KLF12: variants seen among roughly 807,000 people sequenced by gnomAD.
KLF12 encodes the protein KLF transcription factor 12, also known as Krueppel-like factor 12.
Under a neutral mutation model 37.8 loss-of-function variants are expected in KLF12, and 9 were observed. The observed-to-expected ratio is 0.24, with a 90% CI of 0.14 to 0.42. KLF12 has a LOEUF of 0.42. KLF12 is among the 10% of genes least tolerant of loss of function. KLF12 has a pLI of 1.00. For missense variants in KLF12, 411 were observed against 516.0 expected (o/e 0.80, Z 1.97); for synonymous variants, 208 against 202.1 (o/e 1.03, Z -0.25).
chr13:74,214,881 G>GC, the KLF12 span, among the ~76,000 whole-genome samples: 7 of 151,822 alleles, frequency 4.6e-5, no homozygotes, highest in African/African-American at 1.7e-4. Context: ...TGCAACCTCT[G>GC]CCCCCCGGGT....
At chr13:73,702,823 C>T (rs920494900) in intron 7 of KLF12, among the ~76,000 whole-genome samples, 5 of 152,148 alleles carry the variant, frequency 3.3e-5, no homozygotes, top group Admixed American at 2.6e-4. Flanking sequence ...CTTCTGGTTT[C>T]TGTTACATTA....
the KLF12 span, among the ~76,000 whole-genome samples, chr13:74,209,486 T>A: frequency 2.7e-5 from 4 of 150,722 alleles, 1 homozygote; most frequent in East Asian, 7.9e-4. Flanking sequence ...GAAAATAAAA[T>A]TTTTGTATAA....
intron 7 of KLF12, among the ~76,000 whole-genome samples, chr13:73,708,813 A>T (rs1328411631): frequency 1.3e-5 from 2 of 152,200 alleles, no homozygotes; most frequent in Admixed American, 1.3e-4. Context: ...TATTTAAATG[A>T]CCATATTAAT....
At chr13:73,826,987 C>T (rs1883882334) in intron 4 of KLF12, among the ~76,000 whole-genome samples, 1 of 152,102 alleles carries the variant, frequency 6.6e-6, no homozygotes, top group Admixed American at 6.6e-5. Flanking sequence ...CACCACATTG[C>T]CCAGACTGAT....
At chr13:74,213,879 A>G in the KLF12 span, among the ~76,000 whole-genome samples, 5 of 152,016 alleles carry the variant, frequency 3.3e-5, no homozygotes, top group African/African-American at 1.2e-4. Context: ...TTAACTGTCA[A>G]TTTTAATTAC....
chr13:74,275,830 CTTT>C, the KLF12 span, among the ~76,000 whole-genome samples: 360 of 108,244 alleles, frequency 3.3e-3, 6 homozygotes, highest in Admixed American at 5.1e-3. Flanking sequence ...TTCTTTCTTT[CTTT>C]CTTTCTTTCT....
chr13:74,305,788 A>G, the KLF12 span, among the ~76,000 whole-genome samples: 1 of 152,064 alleles, frequency 6.6e-6, no homozygotes, highest in Non-Finnish European at 1.5e-5. Flanking sequence ...CTGGGGAGTA[A>G]AAGCCTTCAC....
chr13:74,219,522 G>C, the KLF12 span, among the ~76,000 whole-genome samples: 1 of 152,032 alleles, frequency 6.6e-6, no homozygotes, highest in Non-Finnish European at 1.5e-5. Flanking sequence ...TTTTATGCTT[G>C]TCCTATTTGA....
intron 1 of KLF12, among the ~76,000 whole-genome samples, chr13:74,058,415 G>A (rs1178840332): frequency 4.8e-5 from 7 of 146,948 alleles, no homozygotes; most frequent in Admixed American, 4.1e-4. Flanking sequence ...GGAGTGCAGC[G>A]GCATCATCTC....
At chr13:73,774,805 T>C (rs370097468) in intron 5 of KLF12, among the ~76,000 whole-genome samples, 120 of 152,274 alleles carry the variant, frequency 7.9e-4, no homozygotes, top group African/African-American at 2.8e-3. Context: ...TATTTTGTGA[T>C]AGGGTTTTTC....
chr13:73,753,474 T>C (rs1193233662), intron 6 of KLF12, among the ~76,000 whole-genome samples: 1 of 152,172 alleles, frequency 6.6e-6, no homozygotes, highest in Non-Finnish European at 1.5e-5. Flanking sequence ...CACTTATCAC[T>C]ACCAGATGCT....
intron 2 of KLF12, among the ~76,000 whole-genome samples, chr13:73,953,757 G>A (rs1439684275): frequency 6.6e-6 from 1 of 152,034 alleles, no homozygotes; most frequent in Non-Finnish European, 1.5e-5. Context: ...TGAGTGTTTA[G>A]CTCCTGCATA....
intron 1 of KLF12, among the ~76,000 whole-genome samples, chr13:74,006,484 A>G (rs1299395862): frequency 1.3e-5 from 2 of 152,178 alleles, no homozygotes; most frequent in Non-Finnish European, 2.9e-5. Flanking sequence ...CTTTTTGTCC[A>G]CATATATGTA....
In KLF12 at chr13:74,005,294, T is replaced by C. The variant is rs887694462; in HGVS notation, c.-31-10241A>G. Among the ~76,000 whole-genome samples the C allele has an allele frequency of 3.9e-5, 6 of 152,290 alleles. No individual in the cohort carries two copies. In the East Asian group the frequency reaches 9.6e-4, roughly 24 times the overall value. ...CAAATAGTTAACTTCCTAAAATGAT[T>C]GAAATATAGAAAAATAAATATAAAG... On this transcript the variant is annotated intron_variant, in intron 1 of 7. Coordinates refer to ENST00000377669, the MANE Select transcript of KLF12 (RefSeq NM_007249.5).
At chr13:73,973,885 G>C (rs1020324995) in intron 2 of KLF12, among the ~76,000 whole-genome samples, 1 of 152,024 alleles carries the variant, frequency 6.6e-6, no homozygotes, top group African/African-American at 2.4e-5. Flanking sequence ...AAGATGAAAT[G>C]ATAAGACAAC....
intron 7 of KLF12, among the ~76,000 whole-genome samples, chr13:73,711,688 T>C (rs1207648234): frequency 2.6e-5 from 4 of 152,182 alleles, no homozygotes; most frequent in Admixed American, 6.5e-5. Context: ...TCTGATGAGA[T>C]GTACAAGGAG....
the KLF12 span, among the ~76,000 whole-genome samples, chr13:74,250,410 C>A: frequency 6.6e-6 from 1 of 152,058 alleles, no homozygotes; most frequent in Admixed American, 6.5e-5. Context: ...GAATTAACAC[C>A]AGGTGAAAGG....
At chr13:74,040,490 T>C (rs1197380757) in intron 1 of KLF12, among the ~76,000 whole-genome samples, 1 of 152,144 alleles carries the variant, frequency 6.6e-6, no homozygotes, top group Non-Finnish European at 1.5e-5. Flanking sequence ...CTCCATTGTA[T>C]CAAGAACAGT....
chr13:74,186,426 G>C, the KLF12 span, among the ~76,000 whole-genome samples: 2,235 of 152,230 alleles, frequency 0.015, 53 homozygotes, highest in African/African-American at 0.047. Context: ...CGGCCTGAGT[G>C]AGAGTCCTCC....
Sources: allele counts gnomAD v4.1 joint callset (sites outside exome capture counted in the v4.1 genomes callset), GRCh38; gene constraint gnomAD v4.1.1; transcripts MANE v1.5; gene names NCBI Gene and HGNC (gene_info 2026-07-23, HGNC 2026-07-21).